Variants in PDE6G observed in about 807,000 individuals in gnomAD.
PDE6G encodes rod cGMP 3',5'-cyclic phosphodiesterase subunit gamma.
A neutral mutation model predicts 10.9 loss-of-function variants in PDE6G; 10 were observed. The ratio of observed to expected loss-of-function variants is 0.91; its 90% CI spans 0.56 to 1.55. The LOEUF (loss-of-function observed/expected upper bound fraction) is 1.55. Ranked by LOEUF, PDE6G falls within the 40% of genes most tolerant of loss-of-function variation. The probability of loss-of-function intolerance (pLI) is 0.00; values close to 1 mark genes in which losing one functional copy is unlikely to be tolerated. For synonymous variants in PDE6G, 41 were observed against 42.8 expected (o/e 0.96, Z 0.16); for missense variants, 102 against 110.1 (o/e 0.93, Z 0.33).
rs146449791 is a variant in PDE6G at position 81,651,813 on chromosome 17, C to T, written c.147-128G>A. On this transcript the variant is annotated intron_variant, in intron 2 of 3. Transcript: ENST00000331056. The surrounding 1 kb of genome is among the most constrained non-coding windows in gnomAD (Gnocchi z 4.8). ...GCTGGGAGCCCAGTGGGCAGAGACC[C>T]GCCTCCTCCCCAACCTCCCAGGGCT... 1.0e-5 allele frequency: 10 copies of T among 956,304 alleles called. No individual in the cohort carries two copies. The highest frequency in any genetic ancestry group is 2.6e-5 in the East Asian group (1 of 38,266). 59.2% of individuals were successfully genotyped at this position (956,304 alleles called of 1,614,324 possible).
chr17:81,653,864 G>A lies in PDE6G; in HGVS notation c.-59-500C>T, dbSNP rs2036407443. Among the ~76,000 whole-genome samples, 1 of 152,158 alleles carries A rather than the reference G, an allele frequency of 6.6e-6. No individual in the cohort carries two copies. Among genetic ancestry groups the A allele is most frequent in the Non-Finnish European group, 1.5e-5 (1 of 68,016 alleles). ...TTGCTCTTGTTGCCTGGGCTGGAGTGCAGTGGCACTATCTCGGCTCACTGC... is the reference window on the plus strand; with the variant it reads ...TTGCTCTTGTTGCCTGGGCTGGAGTACAGTGGCACTATCTCGGCTCACTGC... On this transcript the variant is annotated intron_variant, in intron 1 of 3. Transcript: ENST00000331056. The surrounding 1 kb of genome is among the most constrained non-coding windows in gnomAD (Gnocchi z 5.2).
chr17:81,652,720 C>T (rs541715708), intron 2 of PDE6G, among the ~76,000 whole-genome samples: 3 of 152,212 alleles, frequency 2.0e-5, no homozygotes, highest in East Asian at 3.9e-4. Flanking sequence ...GGATTACAGG[C>T]GTGCACCACC....
chr17:81,657,117 G>A (rs1217337918), upstream of PDE6G: 1 of 171,250 alleles, frequency 5.8e-6, no homozygotes, highest in Non-Finnish European at 1.3e-5. Flanking sequence ...AAGGTCACAA[G>A]AAGGTCACAG....
chr17:81,651,724 G>T lies in PDE6G; in HGVS notation c.147-39C>A, dbSNP rs751976719. The T allele has an allele frequency of 2.8e-5, 45 of 1,609,684 alleles. No individual in the cohort carries two copies. Among genetic ancestry groups the T allele is most frequent in the Non-Finnish European group, 3.7e-5 (44 of 1,177,024 alleles). On this transcript the variant is annotated intron_variant, in intron 2 of 3. Transcript: ENST00000331056. This position sits in a 1 kb window ranked among gnomAD's most constrained non-coding sequence, Gnocchi z 4.8. The stretch of plus-strand genomic sequence containing the variant: ...GCACTCAGGGACATGGCCGGGCCCA[G>T]TCCTGGCTCAGTCAGCCTGAGGCCC...
chr17:81,659,297 C>G (rs561983383), upstream of PDE6G, among the ~76,000 whole-genome samples: 53 of 151,396 alleles, frequency 3.5e-4, no homozygotes, highest in African/African-American at 9.7e-4. Flanking sequence ...GGTGACAGAG[C>G]GAGACCTCAA....
At chr17:81,654,186 C>G (rs1364995134) in intron 1 of PDE6G, among the ~76,000 whole-genome samples, 1 of 152,090 alleles carries the variant, frequency 6.6e-6, no homozygotes, top group Non-Finnish European at 1.5e-5. Flanking sequence ...AGCAGAGGAG[C>G]CTGCCTCTGA....
chr17:81,651,153 G>A lies in PDE6G; in HGVS notation c.188-3C>T, dbSNP rs1282634768. ...CCAAGGGCAGATGACTGTGATGTCT[G>A]TGGGAGAAACGGGCCACGGATCAGA... On this transcript the variant is annotated splice_region_variant and splice_polypyrimidine_tract_variant and intron_variant, in intron 3 of 3. Transcript: ENST00000331056. The surrounding 1 kb of genome is among the most constrained non-coding windows in gnomAD (Gnocchi z 4.8). 2 of 1,611,836 alleles carry A rather than the reference G, an allele frequency of 1.2e-6. No homozygotes were observed. Among genetic ancestry groups the A allele is most frequent in the African/African-American group, 2.7e-5 (2 of 74,978 alleles).
Position 81,653,331 on chromosome 17 carries a change from C to T in PDE6G, c.-26G>A, listed in dbSNP as rs994540539. 1 of 1,609,356 alleles carries T rather than the reference C, an allele frequency of 6.2e-7. No individual in the cohort carries two copies. Among genetic ancestry groups the T allele is most frequent in the Non-Finnish European group, 8.5e-7 (1 of 1,179,834 alleles). ...GGTGAGGCTGACGGAGACACCGCGG[C>T]AACCTTGGCTCCTGGACTCCCTCCT... On this transcript the variant is annotated 5_prime_UTR_variant, in exon 2 of 4. Coordinates refer to ENST00000331056, the MANE Select transcript of PDE6G (RefSeq NM_002602.4). The surrounding 1 kb of genome is among the most constrained non-coding windows in gnomAD (Gnocchi z 5.2).
chr17:81,653,167 C>A lies in PDE6G; in HGVS notation c.139G>T (p.Val47Phe), dbSNP rs763070992. The A allele has an allele frequency of 1.7e-5, 27 of 1,613,796 alleles. No homozygotes were observed. Among genetic ancestry groups the A allele is most frequent in the African/African-American group, 2.7e-5 (2 of 75,028 alleles). ...QFKSKPPKKG[V>F]QGFGDDIPGM... Reference sequence around the variant, plus strand: ...TCCCCCAGCTCTGCTTACCCTTGAACGCCTTTCTTTGGGGGCTTGCTCTTG... The same window carrying A: ...TCCCCCAGCTCTGCTTACCCTTGAAAGCCTTTCTTTGGGGGCTTGCTCTTG... The change falls in exon 2 of 4, where the codon GTT becomes TTT. Residue 47 changes from valine (V) to phenylalanine (F), a missense_variant. By Grantham distance (50) the Val-to-Phe change is conservative (BLOSUM62 -1). Coordinates refer to ENST00000331056, the MANE Select transcript of PDE6G (RefSeq NM_002602.4). The surrounding 1 kb of genome is among the most constrained non-coding windows in gnomAD (Gnocchi z 5.2).
intron 2 of PDE6G, among the ~76,000 whole-genome samples, chr17:81,652,297 G>C (rs552276832): frequency 6.6e-6 from 1 of 152,240 alleles, no homozygotes; most frequent in East Asian, 1.9e-4. Flanking sequence ...ATTTATTTGA[G>C]ACGGAGTCTC....
rs1598719690 is a variant in PDE6G, at chr17:81,653,892, C to A, written c.-59-528G>T. Among the ~76,000 whole-genome samples, 1 of 152,150 alleles carries A rather than the reference C, an allele frequency of 6.6e-6. No individual in the cohort carries two copies. Among genetic ancestry groups the A allele is most frequent in the East Asian group, 1.9e-4 (1 of 5,188 alleles). ...GTGGCACTATCTCGGCTCACTGCAA[C>A]CTCCGCCTCCCGGGTTCAAGTGATT... On this transcript the variant is annotated intron_variant, in intron 1 of 3. Transcript: ENST00000331056. This position sits in a 1 kb window ranked among gnomAD's most constrained non-coding sequence, Gnocchi z 5.2.
upstream of PDE6G, among the ~76,000 whole-genome samples, chr17:81,658,225 C>T (rs1379837424): frequency 1.3e-5 from 2 of 151,776 alleles, no homozygotes; most frequent in Non-Finnish European, 2.9e-5. Context: ...GCTGGGATTA[C>T]AGGCTCCCAC....
chr17:81,654,471 C>T (rs1273712266), intron 1 of PDE6G, among the ~76,000 whole-genome samples: 1 of 150,974 alleles, frequency 6.6e-6, no homozygotes, highest in East Asian at 2.0e-4. Context: ...CTTCTGCCTC[C>T]CGGGTTCAAG....
Position 81,653,372 on chromosome 17 carries a change from C to T in PDE6G, c.-59-8G>A, listed in dbSNP as rs888920583. On this transcript the variant is annotated splice_region_variant and splice_polypyrimidine_tract_variant and intron_variant, in intron 1 of 3. Transcript: ENST00000331056. This position sits in a 1 kb window ranked among gnomAD's most constrained non-coding sequence, Gnocchi z 5.2. ...ACTCCCTCCTGCTGCGGTCTGGGGG[C>T]AGACCAGGCCCGGGTCCCAGTCAGC... 1.3e-6 allele frequency: 2 copies of T among 1,575,896 alleles called. No individual in the cohort carries two copies. The highest frequency in any genetic ancestry group is 1.1e-5 in the South Asian group (1 of 89,874).
At chr17:81,660,336 C>T (rs534315659), upstream of PDE6G, among the ~76,000 whole-genome samples, 6 of 152,168 alleles carry the variant, frequency 3.9e-5, no homozygotes, top group East Asian at 7.7e-4. Context: ...TTTTTGAACT[C>T]GGTAAGTGGA....
chr17:81,662,977 T>C (rs1011323539), intron 1 of PDE6G: 3 of 152,192 alleles, frequency 2.0e-5, no homozygotes, highest in Non-Finnish European at 2.9e-5. Context: ...TTGGGGATCC[T>C]GGGTACCAAA....
rs1172255129 is a variant in PDE6G, at chr17:81,651,254, T to C, written c.188-104A>G. The stretch of plus-strand genomic sequence containing the variant: ...ACAGCCCAGGTGTAGCCCTACAGTG[T>C]GCTGAGCGGGGACGTGCGGACGCTG... On this transcript the variant is annotated intron_variant, in intron 3 of 3. Coordinates refer to ENST00000331056, the MANE Select transcript of PDE6G (RefSeq NM_002602.4). This position sits in a 1 kb window ranked among gnomAD's most constrained non-coding sequence, Gnocchi z 4.8. The C allele has an allele frequency of 1.2e-6, 1 of 853,834 alleles. No individual in the cohort carries two copies. The highest frequency in any genetic ancestry group is 1.7e-5 in the African/African-American group (1 of 60,232). The allele number at this position is 853,834 out of a possible 1,614,324, so 52.9% of individuals were successfully genotyped here. A position where few individuals can be genotyped will look rare whatever the true frequency, so the allele number is the denominator to read the frequency against.
In PDE6G at chr17:81,653,598, C is replaced by G; in HGVS notation, c.-59-234G>C. The G allele has an allele frequency of 2.1e-6, 1 of 470,234 alleles. No homozygotes were observed. Among genetic ancestry groups the G allele is most frequent in the Non-Finnish European group, 3.9e-6 (1 of 253,734 alleles). 29.1% of individuals were successfully genotyped at this position (470,234 alleles called of 1,614,324 possible). A position where few individuals can be genotyped will look rare whatever the true frequency, so the allele number is the denominator to read the frequency against. On this transcript the variant is annotated intron_variant, in intron 1 of 3. Coordinates refer to ENST00000331056, the MANE Select transcript of PDE6G (RefSeq NM_002602.4). This position sits in a 1 kb window ranked among gnomAD's most constrained non-coding sequence, Gnocchi z 5.2. ...GCCCCCCTGCAACGCTGGCCACACACAGCTCCGGACTCCCCCCTGTCCTGG... is the reference window on the plus strand; with the variant it reads ...GCCCCCCTGCAACGCTGGCCACACAGAGCTCCGGACTCCCCCCTGTCCTGG...
chr17:81,662,348 C>T (rs535559047), intron 1 of PDE6G, among the ~76,000 whole-genome samples: 4 of 152,298 alleles, frequency 2.6e-5, no homozygotes, highest in Admixed American at 2.0e-4. Flanking sequence ...ATTGGCCAGG[C>T]ATGGTGGCTC....
Sources: gnomAD v4.1 joint callset for allele counts (sites outside exome capture counted in the v4.1 genomes callset) on GRCh38, gnomAD v4.1.1 for gene constraint, Gnocchi (gnomAD v3.1) non-coding constraint, MANE v1.5 for transcripts, NCBI Gene and HGNC (gene_info 2026-07-23, HGNC 2026-07-21) for gene names.